NDUFAF7: variants seen among roughly 807,000 people sequenced by gnomAD.
The protein encoded by NDUFAF7 is protein arginine methyltransferase NDUFAF7, mitochondrial.
A neutral mutation model predicts 47.2 loss-of-function variants in NDUFAF7; 48 were observed. That is an observed-to-expected ratio of 1.02 (90% CI 0.81 to 1.29). The LOEUF (loss-of-function observed/expected upper bound fraction) is 1.29. Among genes scored for constraint, NDUFAF7 ranks in the 50% most tolerant of loss-of-function variants. The probability of loss-of-function intolerance (pLI) is 0.00; values close to 1 mark genes in which losing one functional copy is unlikely to be tolerated. For missense variants in NDUFAF7, 635 were observed against 537.6 expected, an observed-to-expected ratio of 1.18 and a Z score of -1.79; for synonymous variants, 217 against 190.0, an observed-to-expected ratio of 1.14 and a Z score of -1.17.
In NDUFAF7 at chr2:37,239,221, C is replaced by T. The variant is rs143130365; in HGVS notation, c.408+1354C>T. ...GCAACCTCTGCCTCCCAGGTTCAGG[C>T]GATTCTTGTCCCTCAGCCTCTTGAG... On this transcript the variant is annotated intron_variant, in intron 4 of 9. Coordinates refer to ENST00000002125, the MANE Select transcript of NDUFAF7 (RefSeq NM_144736.5). Among the ~76,000 whole-genome samples the T allele has an allele frequency of 2.8e-3, 420 of 150,544 alleles. 3 individuals carry two copies. The highest frequency in any genetic ancestry group is 9.7e-3 in the African/African-American group (397 of 40,880).
intron 2 of NDUFAF7, among the ~76,000 whole-genome samples, chr2:37,234,619 A>G (rs1665555943): frequency 6.6e-6 from 1 of 152,242 alleles, no homozygotes; most frequent in South Asian, 2.1e-4. Flanking sequence ...AGAAGAAGAG[A>G]TGTGTGGATT....
At chr2:37,240,691 C>T (rs541078123) in intron 4 of NDUFAF7, among the ~76,000 whole-genome samples, 1 of 152,136 alleles carries the variant, frequency 6.6e-6, no homozygotes, top group African/African-American at 2.4e-5. Context: ...AAAGTTGATT[C>T]CAGAGCCCTT....
chr2:37,258,857 G>A, the NDUFAF7 span, among the ~76,000 whole-genome samples: 3 of 152,160 alleles, frequency 2.0e-5, no homozygotes, highest in Non-Finnish European at 4.4e-5. Flanking sequence ...AAATGTACAT[G>A]TTTCAAATGT....
chr2:37,231,877 A>C, intron 1 of NDUFAF7, 117 bp downstream of exon 1: 3 of 1,581,694 alleles, frequency 1.9e-6, no homozygotes, highest in Non-Finnish European at 1.7e-6. Context: ...TTCCACCTTG[A>C]AGGTACCCTG....
In NDUFAF7 at chr2:37,247,505, C is replaced by T; in HGVS notation, c.986C>T (p.Ala329Val). The change falls in exon 9 of 10, where the codon GCA (alanine) becomes GTA (valine). Residue 329 changes from alanine (A) to valine (V), a missense_variant. By Grantham distance (64) the Ala-to-Val change is moderately conservative. Transcript: ENST00000002125. ...LHDVLIAPGTADLTADVDFSY... is the reference protein window; with the variant it reads ...LHDVLIAPGTVDLTADVDFSY... Reference sequence around the variant, plus strand: ...GATGTCTTAATTGCCCCAGGAACAGCAGATCTAACAGCTGATGTGGACTTC... The same window carrying T: ...GATGTCTTAATTGCCCCAGGAACAGTAGATCTAACAGCTGATGTGGACTTC... 1.2e-6 allele frequency: 2 copies of T among 1,614,064 alleles called. No individual in the cohort carries two copies. The highest frequency in any genetic ancestry group is 1.7e-6 in the Non-Finnish European group (2 of 1,179,986).
chr2:37,243,264 A>G (rs1345821136), intron 6 of NDUFAF7, among the ~76,000 whole-genome samples: 1 of 152,202 alleles, frequency 6.6e-6, no homozygotes, highest in African/African-American at 2.4e-5. Flanking sequence ...CAGCCTGGCC[A>G]ACATGACAAA....
At chr2:37,267,903 A>T in the NDUFAF7 span, 1 of 213,700 alleles carries the variant, frequency 4.7e-6, no homozygotes, top group South Asian at 7.2e-5. Flanking sequence ...AGATTCAATG[A>T]GTCAGCACAG....
At chr2:37,253,421 G>T (rs910314364), downstream of NDUFAF7, 22 of 1,308,894 alleles carry the variant, frequency 1.7e-5, no homozygotes, top group Admixed American at 7.2e-5. Context: ...TTTGTTTTGT[G>T]TTTTTTTTTG....
At chr2:37,238,072 T>C in intron 4 of NDUFAF7, among the ~76,000 whole-genome samples, 1 of 152,134 alleles carries the variant, frequency 6.6e-6, no homozygotes, top group East Asian at 1.9e-4. Flanking sequence ...ATATGAAAGC[T>C]AAAAATAGGA....
chr2:37,238,070 G>A (rs1373992034), intron 4 of NDUFAF7, among the ~76,000 whole-genome samples: 1 of 152,090 alleles, frequency 6.6e-6, no homozygotes, highest in Non-Finnish European at 1.5e-5. Flanking sequence ...GAATATGAAA[G>A]CTAAAAATAG....
At chr2:37,238,009 C>G in intron 4 of NDUFAF7, 142 bp downstream of exon 4, 1 of 701,744 alleles carries the variant, frequency 1.4e-6, no homozygotes, top group South Asian at 1.7e-5. Flanking sequence ...ATAATGTAAT[C>G]AGTCATTACT....
At chr2:37,259,512 C>G in the NDUFAF7 span, 1 of 1,225,110 alleles carries the variant, frequency 8.2e-7, no homozygotes, top group Non-Finnish European at 1.2e-6. Context: ...ACTTAGTACA[C>G]TGCCTTTTAT....
chr2:37,259,590 A>C, the NDUFAF7 span: 2 of 1,609,124 alleles, frequency 1.2e-6, no homozygotes, highest in Non-Finnish European at 1.7e-6. Flanking sequence ...CACCTGAGGA[A>C]ATGGCTCTGC....
Position 37,231,669 on chromosome 2 carries a change from AG to A in NDUFAF7, c.-36del, listed in dbSNP as rs769474358. ...TTCTCCCGGAAATGGTCTAAGCCCC[AG>A]CTCCTGGCGGAGCGAGCTAGCCTGC... On this transcript the variant is annotated 5_prime_UTR_variant, in exon 1 of 10. Transcript: ENST00000002125. The A allele has an allele frequency of 9.2e-4, 1,393 of 1,520,728 alleles. 21 individuals carry two copies. The highest frequency in any genetic ancestry group is 6.9e-4 in the South Asian group (58 of 84,646). The allele number at this position is 1,520,728 out of a possible 1,614,324, so 94.2% of individuals were successfully genotyped here.
At chr2:37,243,808 C>A (rs1666620359) in intron 6 of NDUFAF7, 55 bp from the exon 7 acceptor site, 2 of 1,291,030 alleles carry the variant, frequency 1.5e-6, no homozygotes, top group East Asian at 2.4e-5. Flanking sequence ...TTGGTAGAAG[C>A]AATGTAGAGA....
chr2:37,247,745 C>A, intron 9 of NDUFAF7, 116 bp downstream of exon 9: 1 of 1,233,658 alleles, frequency 8.1e-7, no homozygotes, highest in Non-Finnish European at 1.2e-6. Flanking sequence ...CCTTGGTATT[C>A]CAGTCTTTTC....
the NDUFAF7 span, among the ~76,000 whole-genome samples, chr2:37,265,734 T>C: frequency 5.9e-5 from 9 of 152,308 alleles, no homozygotes; most frequent in African/African-American, 1.9e-4. Context: ...TTGTATTAAA[T>C]TTAGTATGAA....
At position 37,246,181 on chromosome 2, in the gene NDUFAF7, A is replaced by G; in HGVS notation, c.922A>G (p.Thr308Ala). The G allele has an allele frequency of 6.2e-7, 1 of 1,613,864 alleles. No individual in the cohort carries two copies. Among genetic ancestry groups the G allele is most frequent in the African/African-American group, 1.3e-5 (1 of 75,038 alleles). Reference sequence around the variant, plus strand: ...TGATTATGGTCATGATGGAACAAAGACAGATACCTTCAGAGTATGTATAAT... The same window carrying G: ...TGATTATGGTCATGATGGAACAAAGGCAGATACCTTCAGAGTATGTATAAT... Reference protein sequence around the residue: ...VADYGHDGTKTDTFRGFCDHK... With the variant: ...VADYGHDGTKADTFRGFCDHK... The change falls in exon 8 of 10, where the codon ACA (threonine) becomes GCA (alanine). Residue 308 changes from threonine (T) to alanine (A), a missense_variant. Physicochemically the swap from Thr to Ala is moderately conservative, Grantham distance 58 (BLOSUM62 0). Transcript: ENST00000002125.
At chr2:37,253,492 ACTAAGTTCT>A, downstream of NDUFAF7, 1 of 540,342 alleles carries the variant, frequency 1.9e-6, no homozygotes, top group Non-Finnish European at 3.0e-6. Flanking sequence ...TCTACTATGT[ACTAAGTTCT>A]ACTTGTGATA....
Sources: allele counts gnomAD v4.1 joint callset (sites outside exome capture counted in the v4.1 genomes callset), GRCh38; gene constraint gnomAD v4.1.1; transcripts MANE v1.5; gene names NCBI Gene and HGNC (gene_info 2026-07-23, HGNC 2026-07-21).